TOX3: variants seen among roughly 807,000 people sequenced by gnomAD.
TOX3 encodes the protein TOX high mobility group box family member 3, also known as CAG trinucleotide repeat-containing gene F9 protein.
Under a neutral mutation model 64.3 loss-of-function variants are expected in TOX3, and 22 were observed. The observed-to-expected ratio is 0.34, with a 90% confidence interval of 0.24 to 0.49. The LOEUF (loss-of-function observed/expected upper bound fraction) is 0.49, where lower values mean the gene tolerates loss of function less well. TOX3 is among the 20% of genes least tolerant of loss of function. TOX3 has a pLI of 0.99. For synonymous variants in TOX3, 291 were observed against 273.6 expected (o/e 1.06, Z -0.63); for missense variants, 661 against 714.4 (o/e 0.93, Z 0.85).
chr16:52,508,450 C>T (rs1206153186), intron 1 of TOX3, among the ~76,000 whole-genome samples: 1 of 152,132 alleles, frequency 6.6e-6, no homozygotes, highest in Non-Finnish European at 1.5e-5. Context: ...CCATGGAATA[C>T]TGTACAGTGG....
intron 1 of TOX3, among the ~76,000 whole-genome samples, chr16:52,469,700 A>G: frequency 6.6e-6 from 1 of 152,222 alleles, no homozygotes; most frequent in Admixed American, 6.5e-5. Flanking sequence ...AGATAAATAC[A>G]CAGATAAATA....
intron 1 of TOX3, among the ~76,000 whole-genome samples, chr16:52,520,709 G>A (rs936387990): frequency 6.6e-6 from 1 of 152,148 alleles, no homozygotes; most frequent in Non-Finnish European, 1.5e-5. Flanking sequence ...GGACATTTTT[G>A]TAGCAAAATG....
intron 1 of TOX3, among the ~76,000 whole-genome samples, chr16:52,494,443 A>G (rs947851403): frequency 1.3e-5 from 2 of 152,220 alleles, no homozygotes; most frequent in Non-Finnish European, 2.9e-5. Context: ...TTGAACAGGA[A>G]ATACACCTCT....
chr16:52,457,407 C>A (rs918128942), intron 3 of TOX3, among the ~76,000 whole-genome samples: 10 of 152,086 alleles, frequency 6.6e-5, no homozygotes, highest in African/African-American at 1.4e-4. Context: ...TATACTTACA[C>A]AGAAATATTC....
chr16:52,510,175 A>G (rs1962265360), intron 1 of TOX3, among the ~76,000 whole-genome samples: 1 of 151,916 alleles, frequency 6.6e-6, no homozygotes, highest in East Asian at 1.9e-4. Context: ...CACTACTTAC[A>G]AGATAAAAGG....
chr16:52,447,836 A>G (rs534011531), intron 4 of TOX3, among the ~76,000 whole-genome samples: 1 of 152,326 alleles, frequency 6.6e-6, no homozygotes, highest in East Asian at 1.9e-4. Context: ...AACTATATAC[A>G]GACACACATA....
intron 1 of TOX3, among the ~76,000 whole-genome samples, chr16:52,482,139 A>G (rs541616519): frequency 6.6e-6 from 1 of 152,232 alleles, no homozygotes; most frequent in Non-Finnish European, 1.5e-5. Flanking sequence ...GCTGGCTTTC[A>G]TCTTGAAGAC....
At chr16:52,515,940 CTT>C (rs1962442910) in intron 1 of TOX3, among the ~76,000 whole-genome samples, 1 of 150,428 alleles carries the variant, frequency 6.6e-6, no homozygotes, top group East Asian at 2.0e-4. Context: ...ACTTTTTTCT[CTT>C]TTCTTTCCCA....
chr16:52,481,674 T>C (rs1028414162), intron 1 of TOX3, among the ~76,000 whole-genome samples: 6 of 152,240 alleles, frequency 3.9e-5, no homozygotes, highest in Admixed American at 1.3e-4. Flanking sequence ...AAACCACTGG[T>C]ACCAGTCTGG....
chr16:52,510,782 A>G (rs1460753005), intron 1 of TOX3, among the ~76,000 whole-genome samples: 2 of 133,974 alleles, frequency 1.5e-5, no homozygotes, highest in Non-Finnish European at 3.3e-5. Flanking sequence ...AAAAAAAAAG[A>G]AGAAGAAGAA....
chr16:52,480,613 T>C (rs568619795), intron 1 of TOX3, among the ~76,000 whole-genome samples: 1 of 152,330 alleles, frequency 6.6e-6, no homozygotes, highest in African/African-American at 2.4e-5. Flanking sequence ...ACTCCCTTAG[T>C]TCAGTAACCA....
chr16:52,519,986 AAAAAAAG>A (rs971419354), intron 1 of TOX3, among the ~76,000 whole-genome samples: 8 of 151,692 alleles, frequency 5.3e-5, no homozygotes, highest in South Asian at 2.1e-4. Flanking sequence ...CAAAAAAAAA[AAAAAAAG>A]AAGAAGAAGA....
Position 52,463,945 on chromosome 16 carries a change from C to A in TOX3, c.397G>T (p.Gly133Trp). 6.5e-7 allele frequency: 1 copy of A among 1,539,258 alleles called. No individual in the cohort carries two copies. The highest frequency in any genetic ancestry group is 8.8e-7 in the Non-Finnish European group (1 of 1,139,870). The change falls in exon 3 of 7, where the codon GGG becomes TGG. Residue 133 changes from glycine to tryptophan, a missense_variant. This residue lies in a region of TOX3 where 259 missense variants were observed against 261.2 expected (regional missense o/e 0.99). Transcript: ENST00000219746. ...VEQDGVLHSS[G>W]LHMDQSHTQV... is the part of the protein sequence containing the mutation. ...AATGTGGTGCCTACCATATGCAACC[C>A]ACTGCTATGAAGCACGCCATCTTGT...
At chr16:52,485,774 T>A (rs543403357) in intron 1 of TOX3, among the ~76,000 whole-genome samples, 1 of 152,030 alleles carries the variant, frequency 6.6e-6, no homozygotes, top group African/African-American at 2.4e-5. Flanking sequence ...CCCCAGATGG[T>A]AATGGAGAGA....
intron 5 of TOX3, chr16:52,445,208 A>G (rs1398755119): frequency 6.6e-6 from 1 of 152,282 alleles, no homozygotes; most frequent in East Asian, 1.9e-4. Flanking sequence ...GAGTTCCTGA[A>G]ATAAGTTCAT....
intron 1 of TOX3, among the ~76,000 whole-genome samples, chr16:52,532,231 G>T (rs995826540): frequency 2.0e-5 from 3 of 152,142 alleles, no homozygotes; most frequent in Non-Finnish European, 4.4e-5. Flanking sequence ...ATGTAATTTT[G>T]TGGCTCCTCC....
chr16:52,546,538 G>T, intron 1 of TOX3, 99 bp downstream of exon 1: 2 of 1,101,994 alleles, frequency 1.8e-6, no homozygotes, highest in Non-Finnish European at 2.6e-6. Flanking sequence ...GAGGAAAGAG[G>T]CCAAAGAAAA....
chr16:52,440,641 C>A (rs550805754), intron 6 of TOX3, among the ~76,000 whole-genome samples: 36 of 151,516 alleles, frequency 2.4e-4, no homozygotes, highest in Non-Finnish European at 4.7e-4. Flanking sequence ...TGCCTGAGTT[C>A]AAATGCAGTT....
At chr16:52,456,008 G>A (rs1321466163) in intron 3 of TOX3, among the ~76,000 whole-genome samples, 1 of 152,152 alleles carries the variant, frequency 6.6e-6, no homozygotes, top group African/African-American at 2.4e-5. Context: ...CCCAAACCTG[G>A]GGCATGGGCA....
Sources: gnomAD v4.1 joint callset for allele counts (sites outside exome capture counted in the v4.1 genomes callset) on GRCh38, gnomAD v4.1.1 for gene constraint, gnomAD v4.1.1 regional missense constraint, MANE v1.5 for transcripts, NCBI Gene and HGNC (gene_info 2026-07-23, HGNC 2026-07-21) for gene names.